The following CA5B variants were observed in gnomAD, a reference collection of about 807,000 sequenced individuals.
CA5B encodes the protein carbonic anhydrase 5B, also known as carbonic anhydrase 5B, mitochondrial.
Under a neutral mutation model 23.1 loss-of-function variants are expected in CA5B, and 15 were observed. The observed-to-expected ratio is 0.65, with a 90% CI of 0.43 to 1.00. The LOEUF (loss-of-function observed/expected upper bound fraction) is 1.00. Among genes scored for constraint, CA5B ranks in the 50% least tolerant of loss-of-function variants. The probability of loss-of-function intolerance (pLI) is 0.00; values close to 1 mark genes in which losing one functional copy is unlikely to be tolerated. For synonymous variants in CA5B, 84 were observed against 98.5 expected (o/e 0.85, Z 0.87); for missense variants, 236 against 252.2 (o/e 0.94, Z 0.43).
intron 3 of CA5B, among the ~76,000 whole-genome samples, chrX:15,768,323 T>C (rs187590615): frequency 2.2e-4 from 24 of 111,369 alleles, no homozygotes; most frequent in Admixed American, 5.7e-4. Context: ...AATTCTTATC[T>C]ACCCATTTGC....
In CA5B at chrX:15,783,858, T is replaced by C. The variant is rs1253828756; in HGVS notation, c.*1194T>C. ...GTGCCTAGAACTTAGAATTCTTTCA[T>C]TGCACATTTCCAGAAATATTTTTCT... On this transcript the variant is annotated 3_prime_UTR_variant, in exon 8 of 8. Transcript: ENST00000318636. 1 of 107,731 alleles carries C rather than the reference T, an allele frequency of 9.3e-6. No individual in the cohort carries two copies. The highest frequency in any genetic ancestry group is 3.3e-5 in the African/African-American group (1 of 29,909). The allele number at this position is 107,731 out of a possible 1,213,427, so 8.9% of individuals were successfully genotyped here.
chrX:15,757,745 G>A (rs1317908610), intron 2 of CA5B, among the ~76,000 whole-genome samples: 1 of 109,417 alleles, frequency 9.1e-6, no homozygotes, highest in Admixed American at 9.9e-5. Flanking sequence ...ACATAAACTT[G>A]TGTAGGCAGG....
chrX:15,766,529 C>T (rs1042025310), intron 3 of CA5B, among the ~76,000 whole-genome samples: 2 of 111,662 alleles, frequency 1.8e-5, no homozygotes, highest in Admixed American at 9.6e-5. Context: ...CTTTCTTTTC[C>T]CCCCTTTTTT....
chrX:15,761,954 A>G (rs182210372), intron 2 of CA5B, among the ~76,000 whole-genome samples: 84 of 112,175 alleles, frequency 7.5e-4, no homozygotes, highest in African/African-American at 2.6e-3. Context: ...AACAAAACAA[A>G]ACAAAACACT....
chrX:15,777,217 T>A (rs1250829998), intron 7 of CA5B, among the ~76,000 whole-genome samples: 1 of 112,089 alleles, frequency 8.9e-6, no homozygotes, highest in East Asian at 2.8e-4. Flanking sequence ...TTCAAAACTG[T>A]TTAAAATCCT....
At chrX:15,742,570 C>T (rs1004357303) in intron 1 of CA5B, among the ~76,000 whole-genome samples, 13 of 112,319 alleles carry the variant, frequency 1.2e-4, no homozygotes, top group African/African-American at 3.2e-4. Context: ...GTCGTGGTTT[C>T]ACCATGTTGG....
intron 4 of CA5B, 61 bp downstream of exon 4, chrX:15,772,675 T>C: frequency 1.6e-6 from 1 of 644,964 alleles, no homozygotes; most frequent in Non-Finnish European, 2.4e-6. Flanking sequence ...TTCTGAACTT[T>C]TAGTTGTAAG....
chrX:15,743,832 C>G (rs1163439375), intron 1 of CA5B, among the ~76,000 whole-genome samples: 1 of 111,785 alleles, frequency 8.9e-6, no homozygotes, highest in Admixed American at 9.5e-5. Context: ...ATGGGAAGTT[C>G]AGAAATACTC....
intron 2 of CA5B, among the ~76,000 whole-genome samples, chrX:15,752,674 G>C (rs368623100): frequency 1.0e-4 from 11 of 109,534 alleles, no homozygotes; most frequent in Non-Finnish European, 1.7e-4. Flanking sequence ...GCAGTGAGCC[G>C]AGATCGCGCC....
intron 2 of CA5B, among the ~76,000 whole-genome samples, chrX:15,760,282 T>C (rs1219926138): frequency 9.0e-6 from 1 of 111,030 alleles, no homozygotes; most frequent in African/African-American, 3.3e-5. Flanking sequence ...AGAACAAAAG[T>C]GTCAGTTTAT....
At chrX:15,767,404 ATT>A (rs1471731788) in intron 3 of CA5B, among the ~76,000 whole-genome samples, 1 of 101,409 alleles carries the variant, frequency 9.9e-6, no homozygotes. Flanking sequence ...AGATTCTAGA[ATT>A]TTTTTTTTTT....
intron 7 of CA5B, among the ~76,000 whole-genome samples, chrX:15,778,403 A>G (rs948096448): frequency 8.9e-6 from 1 of 112,127 alleles, no homozygotes; most frequent in African/African-American, 3.2e-5. Context: ...AGACAAACAC[A>G]TAAATAGCCA....
At chrX:15,780,666 A>G (rs1419068142) in intron 7 of CA5B, among the ~76,000 whole-genome samples, 1 of 112,599 alleles carries the variant, frequency 8.9e-6, no homozygotes, top group Admixed American at 9.4e-5. Context: ...TTTATCTTTG[A>G]TACTTAGACT....
intron 6 of CA5B, 123 bp downstream of exon 6, chrX:15,775,431 G>A (rs907782534): frequency 8.9e-5 from 91 of 1,017,292 alleles, no homozygotes; most frequent in Non-Finnish European, 1.0e-4. Flanking sequence ...AGCCTTAGAA[G>A]AAAACTTGCC....
At position 15,780,340 on chromosome X, in the gene CA5B, T is replaced by C. The variant is rs180991720; in HGVS notation, c.775-2145T>C. Reference sequence around the variant, plus strand: ...TGGGCTGGAGTGCAGTGGCACGATCTCGGCTCACTGCAACCTCTGCCTTGC... The same window carrying C: ...TGGGCTGGAGTGCAGTGGCACGATCCCGGCTCACTGCAACCTCTGCCTTGC... On this transcript the variant is annotated intron_variant, in intron 7 of 7. Coordinates refer to ENST00000318636, the MANE Select transcript of CA5B (RefSeq NM_007220.4). Among the ~76,000 whole-genome samples the C allele has an allele frequency of 1.9e-4, 21 of 109,270 alleles. No homozygotes were observed. In the East Asian group the frequency reaches 6.0e-3, roughly 31 times the overall value. 94.9% of individuals were successfully genotyped at this position (109,270 alleles called of 115,157 possible). A position where few individuals can be genotyped will look rare whatever the true frequency, so the allele number is the denominator to read the frequency against.
intron 1 of CA5B, among the ~76,000 whole-genome samples, chrX:15,740,102 C>T (rs979741795): frequency 1.8e-5 from 2 of 111,588 alleles, no homozygotes; most frequent in Non-Finnish European, 3.8e-5. Flanking sequence ...TTTGTTTCCA[C>T]GCATTTCTAA....
intron 6 of CA5B, among the ~76,000 whole-genome samples, chrX:15,776,352 A>AG (rs1433775633): frequency 6.5e-5 from 7 of 108,277 alleles, no homozygotes; most frequent in Non-Finnish European, 5.7e-5. Context: ...AAAAAAAAAA[A>AG]AAAAAGAAAA....
At chrX:15,749,579 T>C (rs1169937695) in intron 1 of CA5B, among the ~76,000 whole-genome samples, 1 of 111,715 alleles carries the variant, frequency 9.0e-6, no homozygotes, top group Non-Finnish European at 1.9e-5. Flanking sequence ...GAGGGAGCTT[T>C]AATGTTGGGG....
In CA5B at chrX:15,772,463, C is replaced by G. The variant is rs750684725; in HGVS notation, c.341-33C>G. The G allele has an allele frequency of 4.0e-6, 4 of 1,009,878 alleles. No homozygotes were observed. In the African/African-American group the frequency reaches 5.6e-5, roughly 14 times the overall value. The allele number at this position is 1,009,878 out of a possible 1,213,427, so 83.2% of individuals were successfully genotyped here. ...CCACATTCCTCCACTGCACAAATAA[C>G]TCTTCCCTGAATTGTTGGATGTGCC... On this transcript the variant is annotated intron_variant, in intron 3 of 7. Coordinates refer to ENST00000318636, the MANE Select transcript of CA5B (RefSeq NM_007220.4).
Sources: gnomAD v4.1 joint callset for allele counts (sites outside exome capture counted in the v4.1 genomes callset) on GRCh38, gnomAD v4.1.1 for gene constraint, MANE v1.5 for transcripts, NCBI Gene and HGNC (gene_info 2026-07-23, HGNC 2026-07-21) for gene names.